KREMEN1: variants seen among roughly 807,000 people sequenced by gnomAD.
The protein encoded by KREMEN1 is kringle containing transmembrane protein 1.
In KREMEN1, 30 loss-of-function variants were observed where a neutral mutation model predicts 46.5. The observed-to-expected ratio is 0.65, with a 90% CI of 0.48 to 0.88. The LOEUF (loss-of-function observed/expected upper bound fraction) is 0.88. Among genes scored for constraint, KREMEN1 ranks in the 40% least tolerant of loss-of-function variants. KREMEN1 has a pLI of 0.00. For missense variants in KREMEN1, 533 were observed against 596.9 expected (o/e 0.89, Z 1.11); for synonymous variants, 214 against 230.6 (o/e 0.93, Z 0.65).
intron 9 of KREMEN1, among the ~76,000 whole-genome samples, chr22:29,152,656 C>A (rs1196041993): frequency 6.6e-6 from 1 of 152,122 alleles, no homozygotes; most frequent in Non-Finnish European, 1.5e-5. Flanking sequence ...CCAACCCCTC[C>A]TGCTGACTCT....
downstream of KREMEN1, among the ~76,000 whole-genome samples, chr22:29,147,721 C>T (rs2038883137): frequency 6.6e-6 from 1 of 152,184 alleles, no homozygotes; most frequent in African/African-American, 2.4e-5. Context: ...CAGGCCCAGC[C>T]AGGAGATGCT....
Position 29,137,451 on chromosome 22 carries a change from G to T in KREMEN1, c.741G>T (p.Arg247=). 1 of 1,603,410 alleles carries T rather than the reference G, an allele frequency of 6.2e-7. No homozygotes were observed. Among genetic ancestry groups the T allele is most frequent in the Admixed American group, 1.7e-5 (1 of 59,798 alleles). The change falls in exon 6 of 9, where the codon CGG becomes CGT. Residue 247 remains arginine, a synonymous_variant. Transcript: ENST00000400335. ...GGAGGGTCTGCTACTGGACCATCCGGGTTCCGGGGGCCTCCCACATCCACT... is the reference window on the plus strand; with the variant it reads ...GGAGGGTCTGCTACTGGACCATCCGTGTTCCGGGGGCCTCCCACATCCACT... ...ATGRVCYWTI[R]VPGASHIHFS...
intron 3 of KREMEN1, among the ~76,000 whole-genome samples, chr22:29,107,218 C>CTTT (rs1188000476): frequency 7.1e-5 from 8 of 111,900 alleles, no homozygotes; most frequent in East Asian, 2.5e-4. Flanking sequence ...ACCATTTATA[C>CTTT]TTTTTTTTTT....
chr22:29,134,502 C>T (rs928397341), intron 5 of KREMEN1, among the ~76,000 whole-genome samples: 7 of 152,156 alleles, frequency 4.6e-5, no homozygotes, highest in African/African-American at 1.4e-4. Flanking sequence ...TCTGTCTGAT[C>T]GTTCTAGCAT....
chr22:29,137,420 C>G lies in KREMEN1; in HGVS notation c.710C>G (p.Ala237Gly). The change falls in exon 6 of 9, where the codon GCC becomes GGC. Residue 237 changes from alanine to glycine, a missense_variant. Coordinates refer to ENST00000400335, the MANE Select transcript of KREMEN1 (RefSeq NM_001039570.3). ...VYSPDFPDTY[A>G]TGRVCYWTIR... ...TCCCCTGACTTCCCCGACACCTATGCCACGGGGAGGGTCTGCTACTGGACC... is the reference window on the plus strand; with the variant it reads ...TCCCCTGACTTCCCCGACACCTATGGCACGGGGAGGGTCTGCTACTGGACC... 1.3e-6 allele frequency: 2 copies of G among 1,582,520 alleles called. No individual in the cohort carries two copies. Among genetic ancestry groups the G allele is most frequent in the Non-Finnish European group, 1.7e-6 (2 of 1,155,902 alleles).
intron 5 of KREMEN1, among the ~76,000 whole-genome samples, chr22:29,132,513 C>G (rs2038578894): frequency 6.6e-6 from 1 of 152,146 alleles, no homozygotes; most frequent in East Asian, 1.9e-4. Context: ...TTCATTTGCT[C>G]CACTTTCTCT....
At chr22:29,135,032 G>C (rs2038634290) in intron 5 of KREMEN1, among the ~76,000 whole-genome samples, 1 of 152,208 alleles carries the variant, frequency 6.6e-6, no homozygotes, top group Admixed American at 6.5e-5. Context: ...CCACCAGCCT[G>C]AGGTCTTTTC....
At chr22:29,107,509 C>A (rs906566870) in intron 3 of KREMEN1, among the ~76,000 whole-genome samples, 1 of 152,078 alleles carries the variant, frequency 6.6e-6, no homozygotes, top group Non-Finnish European at 1.5e-5. Flanking sequence ...CATGAGCCAC[C>A]ACACTTGGCT....
chr22:29,125,107 A>T, intron 4 of KREMEN1, 156 bp from the exon 5 acceptor site: 1 of 706,166 alleles, frequency 1.4e-6, no homozygotes, highest in Non-Finnish European at 2.5e-6. Flanking sequence ...GCTTGAAATT[A>T]AGTGTTGCAA....
chr22:29,105,474 CACAT>C (rs1273378623), intron 3 of KREMEN1, among the ~76,000 whole-genome samples: 70 of 115,070 alleles, frequency 6.1e-4, no homozygotes, highest in African/African-American at 2.3e-3. Flanking sequence ...CACACACACA[CACAT>C]ACACACACAC....
In KREMEN1 at chr22:29,145,345, G is replaced by C. The variant is rs1302614315; in HGVS notation, c.*3233G>C. 2.0e-6 allele frequency: 2 copies of C among 985,390 alleles called. No homozygotes were observed. Among genetic ancestry groups the C allele is most frequent in the South Asian group, 9.4e-5 (2 of 21,282 alleles). 61.0% of individuals were successfully genotyped at this position (985,390 alleles called of 1,614,324 possible). On this transcript the variant is annotated 3_prime_UTR_variant, in exon 9 of 9. Coordinates refer to ENST00000400335, the MANE Select transcript of KREMEN1 (RefSeq NM_001039570.3). ...GCAGGAGAGGCAGGGGAGGGGCTTC[G>C]GGGACCACTGTGGACAGAGCTCTGA...
At chr22:29,155,050 T>C (rs1432617274) in intron 9 of KREMEN1, among the ~76,000 whole-genome samples, 1 of 151,738 alleles carries the variant, frequency 6.6e-6, no homozygotes, top group African/African-American at 2.4e-5. Flanking sequence ...GTAGTGCTTC[T>C]ACACACACTG....
intron 9 of KREMEN1, among the ~76,000 whole-genome samples, chr22:29,151,915 CAGG>C (rs1274652340): frequency 6.6e-6 from 1 of 150,812 alleles, no homozygotes; most frequent in Non-Finnish European, 1.5e-5. Context: ...GAGTCTGAGG[CAGG>C]AGAATTGCTT....
At chr22:29,164,540 G>A (rs953181144) in intron 9 of KREMEN1, among the ~76,000 whole-genome samples, 3 of 152,128 alleles carry the variant, frequency 2.0e-5, no homozygotes, top group Non-Finnish European at 4.4e-5. Context: ...GAGGTCAGAA[G>A]TTCGAGACCA....
intron 4 of KREMEN1, among the ~76,000 whole-genome samples, chr22:29,124,667 A>G (rs1159237240): frequency 6.6e-6 from 1 of 151,880 alleles, no homozygotes; most frequent in Non-Finnish European, 1.5e-5. Flanking sequence ...TAATATTTGT[A>G]TTTTTAGTAG....
chr22:29,081,805 A>T (rs981482102), intron 1 of KREMEN1, among the ~76,000 whole-genome samples: 2 of 152,250 alleles, frequency 1.3e-5, no homozygotes, highest in African/African-American at 4.8e-5. Context: ...ATTAGGACTT[A>T]TCCCTGTGCC....
Position 29,073,244 on chromosome 22 carries a change from C to A in KREMEN1, c.97+17C>A. Reference sequence around the variant, plus strand: ...CCGGACCCGGTGAGTGTGAGCGACCCCCCGCCGCCCGCCCTGAGCGGAGCC... The same window carrying A: ...CCGGACCCGGTGAGTGTGAGCGACCACCCGCCGCCCGCCCTGAGCGGAGCC... On this transcript the variant is annotated intron_variant, in intron 1 of 8. Coordinates refer to ENST00000400335, the MANE Select transcript of KREMEN1 (RefSeq NM_001039570.3). The surrounding 1 kb of genome is among the most constrained non-coding windows in gnomAD (Gnocchi z 4.4). The A allele has an allele frequency of 1.8e-6, 2 of 1,091,676 alleles. No homozygotes were observed. The highest frequency in any genetic ancestry group is 4.6e-5 in the Admixed American group (1 of 21,582). 67.6% of individuals were successfully genotyped at this position (1,091,676 alleles called of 1,614,324 possible).
chr22:29,138,672 T>G lies in KREMEN1; in HGVS notation c.1013T>G (p.Val338Gly). Reference sequence around the variant, plus strand: ...GAGAGGCCCGCTGTCAACCAGACGGTGGCCGAGGTGATCACGGAGCAGGCC... The same window carrying G: ...GAGAGGCCCGCTGTCAACCAGACGGGGGCCGAGGTGATCACGGAGCAGGCC... Reference protein sequence around the residue: ...PQERPAVNQTVAEVITEQANL... With the variant: ...PQERPAVNQTGAEVITEQANL... Residue 338 changes from valine to glycine, a missense_variant, in exon 7 of 9, where the codon GTG becomes GGG. Transcript: ENST00000400335. The G allele has an allele frequency of 2.5e-6, 4 of 1,614,174 alleles. No homozygotes were observed. Among genetic ancestry groups the G allele is most frequent in the East Asian group, 2.2e-5 (1 of 44,878 alleles).
At chr22:29,118,368 G>T (rs749233969) in intron 3 of KREMEN1, among the ~76,000 whole-genome samples, 4 of 152,120 alleles carry the variant, frequency 2.6e-5, no homozygotes, top group Admixed American at 2.0e-4. Context: ...TCACACTCAG[G>T]GGGAGGAGAT....
Sources: allele counts gnomAD v4.1 joint callset (sites outside exome capture counted in the v4.1 genomes callset), GRCh38; gene constraint gnomAD v4.1.1; non-coding constraint Gnocchi (gnomAD v3.1); transcripts MANE v1.5; gene names NCBI Gene and HGNC (gene_info 2026-07-23, HGNC 2026-07-21).